The following USP22 variants were observed in gnomAD, a reference collection of about 807,000 sequenced individuals.
USP22 encodes ubiquitin specific peptidase 22.
In USP22, 22 loss-of-function variants were observed where a neutral mutation model predicts 68.1. The ratio of observed to expected loss-of-function variants is 0.32; its 90% CI spans 0.23 to 0.46. The LOEUF (loss-of-function observed/expected upper bound fraction) is 0.46. USP22 is among the 20% of genes least tolerant of loss of function. The pLI is 1.00. For synonymous variants in USP22, 279 were observed against 274.2 expected, an observed-to-expected ratio of 1.02 and a Z score of -0.17; for missense variants, 433 against 695.8, an observed-to-expected ratio of 0.62 and a Z score of 4.25.
In USP22 at chr17:21,016,610, T is replaced by C. The variant is rs1449357282; in HGVS notation, c.691-711A>G. 3.3e-5 allele frequency among the ~76,000 whole-genome samples: 5 copies of C among 152,110 alleles called. No homozygotes were observed. In the East Asian group the frequency reaches 9.6e-4, roughly 29 times the overall value. On this transcript the variant is annotated intron_variant, in intron 5 of 12. Coordinates refer to ENST00000261497, the MANE Select transcript of USP22 (RefSeq NM_015276.2). ...CCAACTCAGACATCGAAAGCACACATCATGGATGCACGCAAGACACGGGTG... is the reference window on the plus strand; with the variant it reads ...CCAACTCAGACATCGAAAGCACACACCATGGATGCACGCAAGACACGGGTG...
At chr17:21,042,317 C>G (rs2143675302) in intron 1 of USP22, 1 of 158,438 alleles carries the variant, frequency 6.3e-6, no homozygotes, top group African/African-American at 3.0e-5. Flanking sequence ...ACTCGCCCCT[C>G]CCGGGCCAAG....
chr17:21,038,805 A>C (rs189219432), intron 1 of USP22, among the ~76,000 whole-genome samples: 219 of 152,354 alleles, frequency 1.4e-3, no homozygotes, highest in Middle Eastern at 6.8e-3. Flanking sequence ...TCAAAATATA[A>C]TGTAGAATGT....
Position 21,018,055 on chromosome 17 carries a change from C to A in USP22, c.577G>T (p.Ala193Ser), listed in dbSNP as rs748242559. Reference protein sequence around the residue: ...NTCFMNCIVQALTHTPLLRDF... With the variant: ...NTCFMNCIVQSLTHTPLLRDF... Reference sequence around the variant, plus strand: ...CGCAGAAGTGGCGTGTGGGTCAGGGCCTGCACGATGCAGTTCATGAAGCAT... The same window carrying A: ...CGCAGAAGTGGCGTGTGGGTCAGGGACTGCACGATGCAGTTCATGAAGCAT... Residue 193 changes from alanine to serine, a missense_variant, in exon 5 of 13, where the codon GCC becomes TCC. Physicochemically the swap from Ala to Ser is moderately conservative, Grantham distance 99. This residue lies in a region of USP22 where 144 missense variants were observed against 237.2 expected (regional missense o/e 0.61). Transcript: ENST00000261497. 1 of 1,613,332 alleles carries A rather than the reference C, an allele frequency of 6.2e-7. No individual in the cohort carries two copies.
chr17:21,020,249 A>AAAAAAAAAAAAAAC (rs1972137946), intron 3 of USP22, among the ~76,000 whole-genome samples: 1 of 30,862 alleles, frequency 3.2e-5, no homozygotes, highest in East Asian at 3.7e-4. Context: ...AAAACCAAAA[A>AAAAAAAAAAAAAAC]AAAAAAAAAA....
chr17:21,041,472 C>T (rs963473409), intron 1 of USP22, among the ~76,000 whole-genome samples: 6 of 152,050 alleles, frequency 3.9e-5, no homozygotes, highest in Non-Finnish European at 8.8e-5. Context: ...GTAGCAGGAG[C>T]CTGTAATCCC....
At chr17:21,011,852 T>C (rs377058980) in intron 7 of USP22, among the ~76,000 whole-genome samples, 6 of 152,198 alleles carry the variant, frequency 3.9e-5, no homozygotes, top group African/African-American at 1.4e-4. Context: ...TCGATATTTA[T>C]ACAGGATTTA....
chr17:21,005,400 G>A (rs897927073), intron 10 of USP22, among the ~76,000 whole-genome samples: 1 of 152,186 alleles, frequency 6.6e-6, no homozygotes. Context: ...TCCTCAAAAG[G>A]GACAAAGATT....
At chr17:21,006,811 T>C (rs1597687898) in intron 10 of USP22, 85 bp downstream of exon 10, 1 of 1,189,648 alleles carries the variant, frequency 8.4e-7, no homozygotes, top group Non-Finnish European at 1.1e-6. Context: ...CCAACAGTCA[T>C]CTTAATAGGA....
At chr17:21,037,844 G>A (rs1389073229) in intron 1 of USP22, among the ~76,000 whole-genome samples, 1 of 152,208 alleles carries the variant, frequency 6.6e-6, no homozygotes, top group Non-Finnish European at 1.5e-5. Flanking sequence ...CTGTATCAAT[G>A]TCAATATTCT....
chr17:21,018,697 C>G (rs1301306835), intron 4 of USP22, among the ~76,000 whole-genome samples: 7 of 70,068 alleles, frequency 1.0e-4, no homozygotes, highest in African/African-American at 1.8e-4. Flanking sequence ...GACTCTGTCT[C>G]AAAAAAGAAA....
chr17:21,035,769 G>A (rs1475687326), intron 1 of USP22, among the ~76,000 whole-genome samples: 1 of 152,042 alleles, frequency 6.6e-6, no homozygotes, highest in Non-Finnish European at 1.5e-5. Flanking sequence ...GGTGGCTCAC[G>A]CCTGTAATCC....
rs1250727710 is a variant in USP22 at position 21,018,053 on chromosome 17, G to A, written c.579C>T (p.Ala193=). The change falls in exon 5 of 13, where the codon GCC becomes GCT. Residue 193 remains alanine (A), a synonymous_variant. Transcript: ENST00000261497. ...NTCFMNCIVQ[A]LTHTPLLRDF... is the part of the protein sequence containing the mutation. ...CCCGCAGAAGTGGCGTGTGGGTCAG[G>A]GCCTGCACGATGCAGTTCATGAAGC... 1.1e-5 allele frequency: 17 copies of A among 1,613,300 alleles called. No individual in the cohort carries two copies. Among genetic ancestry groups the A allele is most frequent in the African/African-American group, 2.7e-5 (2 of 74,838 alleles).
chr17:21,009,911 C>T (rs4445951), intron 8 of USP22, among the ~76,000 whole-genome samples: 5 of 151,174 alleles, frequency 3.3e-5, no homozygotes, highest in African/African-American at 7.3e-5. Context: ...GCCAAGATCG[C>T]GCCACTGCAC....
chr17:21,015,987 C>G (rs576236954), intron 5 of USP22, 88 bp from the exon 6 acceptor site: 7 of 1,448,568 alleles, frequency 4.8e-6, no homozygotes, highest in African/African-American at 2.9e-5. Context: ...TTATCAGATG[C>G]CTACCATTGG....
intron 5 of USP22, among the ~76,000 whole-genome samples, chr17:21,016,965 A>G (rs536984227): frequency 2.6e-5 from 4 of 152,312 alleles, no homozygotes; most frequent in Admixed American, 2.0e-4. Flanking sequence ...GCTTATCACT[A>G]AAGTCAGTGA....
intron 5 of USP22, 32 bp downstream of exon 5, chr17:21,017,910 A>T: frequency 2.5e-6 from 4 of 1,605,948 alleles, no homozygotes; most frequent in Non-Finnish European, 3.4e-6. Flanking sequence ...AAGTAACAGA[A>T]ATGTTCCCCT....
intron 9 of USP22, among the ~76,000 whole-genome samples, 199 bp downstream of exon 9, chr17:21,007,671 G>C: frequency 6.6e-6 from 1 of 152,066 alleles, no homozygotes; most frequent in East Asian, 1.9e-4. Flanking sequence ...CGAAGCCACT[G>C]ATTTTGTTTA....
At chr17:21,028,520 C>A in intron 2 of USP22, 22 bp downstream of exon 2, 3 of 1,612,518 alleles carry the variant, frequency 1.9e-6, no homozygotes, top group South Asian at 2.2e-5. Flanking sequence ...AACTATCCCC[C>A]CATCCCAGAA....
At chr17:21,014,591 T>C (rs1403281587) in intron 6 of USP22, among the ~76,000 whole-genome samples, 1 of 152,150 alleles carries the variant, frequency 6.6e-6, no homozygotes, top group African/African-American at 2.4e-5. Context: ...TTAGCTCAAC[T>C]GTGGGTTGTT....
Sources: gnomAD v4.1 joint callset for allele counts (sites outside exome capture counted in the v4.1 genomes callset) on GRCh38, gnomAD v4.1.1 for gene constraint, gnomAD v4.1.1 regional missense constraint, MANE v1.5 for transcripts, NCBI Gene and HGNC (gene_info 2026-07-23, HGNC 2026-07-21) for gene names.